Variants in CNTNAP5 observed in about 807,000 individuals in gnomAD.
CNTNAP5 encodes the protein contactin associated protein family member 5, also known as contactin-associated protein-like 5.
Under a neutral mutation model 150.2 loss-of-function variants are expected in CNTNAP5, and 72 were observed. The observed-to-expected ratio is 0.48, with a 90% CI of 0.40 to 0.58. The LOEUF (loss-of-function observed/expected upper bound fraction) is 0.58, where lower values mean the gene tolerates loss of function less well. CNTNAP5 is among the 20% of genes least tolerant of loss of function. The pLI, the probability that CNTNAP5 is intolerant of heterozygous loss-of-function variation, is 0.00. For synonymous variants in CNTNAP5, 672 were observed against 619.8 expected, an observed-to-expected ratio of 1.08 and a Z score of -1.25; for missense variants, 1,636 against 1,626.2, an observed-to-expected ratio of 1.01 and a Z score of -0.10.
At chr2:124,124,558 G>A (rs967660764) in intron 1 of CNTNAP5, among the ~76,000 whole-genome samples, 2 of 152,122 alleles carry the variant, frequency 1.3e-5, no homozygotes, top group East Asian at 3.9e-4. Context: ...AGGAAACAGA[G>A]AGAATGCCAC....
intron 13 of CNTNAP5, among the ~76,000 whole-genome samples, chr2:124,736,884 A>T (rs1680393450): frequency 6.6e-6 from 1 of 152,182 alleles, no homozygotes; most frequent in South Asian, 2.1e-4. Context: ...TCTATGTTGG[A>T]TATACAGTCA....
chr2:124,031,232 G>A (rs1414523108), intron 1 of CNTNAP5, among the ~76,000 whole-genome samples: 2 of 151,656 alleles, frequency 1.3e-5, no homozygotes, highest in East Asian at 3.9e-4. Flanking sequence ...AACAATCCTT[G>A]TCTCCTCAAC....
chr2:124,379,069 C>T (rs1690723995), intron 3 of CNTNAP5, among the ~76,000 whole-genome samples: 1 of 151,894 alleles, frequency 6.6e-6, no homozygotes. Flanking sequence ...CCCACATACC[C>T]CTGGCCCCAC....
chr2:124,836,299 G>T (rs1248854331), intron 19 of CNTNAP5, among the ~76,000 whole-genome samples: 3 of 152,114 alleles, frequency 2.0e-5, no homozygotes, highest in Non-Finnish European at 4.4e-5. Flanking sequence ...ATTATTAGTA[G>T]TATTAGTCAG....
intron 5 of CNTNAP5, among the ~76,000 whole-genome samples, chr2:124,434,948 T>C (rs1442755049): frequency 1.3e-5 from 2 of 152,202 alleles, no homozygotes; most frequent in African/African-American, 2.4e-5. Flanking sequence ...TCTTAGTAAC[T>C]CAAACTCTAA....
At chr2:124,466,828 A>G (rs576804003) in intron 6 of CNTNAP5, among the ~76,000 whole-genome samples, 34 of 152,310 alleles carry the variant, frequency 2.2e-4, no homozygotes, top group African/African-American at 7.5e-4. Flanking sequence ...CAGAAATACA[A>G]TCTCCATTCA....
At chr2:124,369,819 C>T (rs1177675253) in intron 3 of CNTNAP5, among the ~76,000 whole-genome samples, 1 of 151,964 alleles carries the variant, frequency 6.6e-6, no homozygotes, top group Non-Finnish European at 1.5e-5. Flanking sequence ...ACATCAAAAC[C>T]CAGGAAAGGC....
chr2:124,897,324 G>T (rs1362046790), intron 21 of CNTNAP5, among the ~76,000 whole-genome samples: 1 of 151,366 alleles, frequency 6.6e-6, no homozygotes, highest in Non-Finnish European at 1.5e-5. Context: ...AAGATTTATT[G>T]CCTGAAATCT....
chr2:124,181,166 T>C (rs1299882189), intron 1 of CNTNAP5, among the ~76,000 whole-genome samples: 1 of 151,638 alleles, frequency 6.6e-6, no homozygotes, highest in Non-Finnish European at 1.5e-5. Context: ...ATTAATTTTA[T>C]AGTTATATTG....
chr2:124,027,530 T>C (rs564874593), intron 1 of CNTNAP5, among the ~76,000 whole-genome samples: 82 of 152,346 alleles, frequency 5.4e-4, no homozygotes, highest in African/African-American at 1.9e-3. Context: ...ATAAAACAAA[T>C]ATTTTAGAAT....
At chr2:124,374,501 G>T (rs964225061) in intron 3 of CNTNAP5, among the ~76,000 whole-genome samples, 8 of 152,054 alleles carry the variant, frequency 5.3e-5, no homozygotes, top group African/African-American at 1.9e-4. Flanking sequence ...TTCAAAATTT[G>T]AGCAGATGCT....
At chr2:124,107,270 T>C (rs1055619299) in intron 1 of CNTNAP5, among the ~76,000 whole-genome samples, 3 of 152,204 alleles carry the variant, frequency 2.0e-5, no homozygotes, top group Non-Finnish European at 2.9e-5. Context: ...TGGAAACCAC[T>C]GCGTCTATCT....
At chr2:124,304,989 C>T (rs958943590) in intron 3 of CNTNAP5, among the ~76,000 whole-genome samples, 5 of 151,542 alleles carry the variant, frequency 3.3e-5, no homozygotes, top group Non-Finnish European at 7.4e-5. Flanking sequence ...CTGCAGGCCA[C>T]ATGTGGTGGC....
At chr2:124,653,017 C>T (rs956954621) in intron 13 of CNTNAP5, among the ~76,000 whole-genome samples, 2 of 152,166 alleles carry the variant, frequency 1.3e-5, no homozygotes, top group Non-Finnish European at 2.9e-5. Context: ...AAAGCATTTG[C>T]GGAGCAAATC....
rs545702570 is a variant in CNTNAP5 at position 124,764,150 on chromosome 2, A to G, written c.2533+3A>G. 7.8e-5 allele frequency: 125 copies of G among 1,609,150 alleles called. No individual in the cohort carries two copies. In the East Asian group the frequency reaches 2.6e-3, roughly 33 times the overall value. ...CTTCATTCGACTCGAAATAAGCTGT[A>G]AGTGCCCTCAATTATGAATTTAATG... On this transcript the variant is annotated splice_donor_region_variant and intron_variant, in intron 16 of 23. Transcript: ENST00000682447.
intron 10 of CNTNAP5, among the ~76,000 whole-genome samples, chr2:124,529,058 G>GTTTTTTTTTTTTTTTT (rs777056828): frequency 7.1e-6 from 1 of 140,792 alleles, no homozygotes. Context: ...CTTCTGCTTT[G>GTTTTTTTTTTTTTTTT]TTTTTTTTTT....
At chr2:124,394,304 A>T (rs747671494) in intron 3 of CNTNAP5, among the ~76,000 whole-genome samples, 11 of 151,388 alleles carry the variant, frequency 7.3e-5, no homozygotes, top group Non-Finnish European at 1.5e-4. Flanking sequence ...CCCAGGAAGC[A>T]GAACTTTCAG....
intron 20 of CNTNAP5, among the ~76,000 whole-genome samples, chr2:124,868,950 G>T (rs1005930946): frequency 6.6e-6 from 1 of 152,096 alleles, no homozygotes; most frequent in African/African-American, 2.4e-5. Flanking sequence ...AGAATGAATG[G>T]GGAGGGCTCC....
Position 124,429,349 on chromosome 2 carries a change from G to A in CNTNAP5, c.530-5135G>A, listed in dbSNP as rs552849667. The stretch of plus-strand genomic sequence containing the variant: ...CTTTGGAAGCTGATTCTAAGTTAAT[G>A]TACATGCTAAATCCTAAAGAAAGTG... On this transcript the variant is annotated intron_variant, in intron 4 of 23. Transcript: ENST00000682447. 2.4e-4 allele frequency among the ~76,000 whole-genome samples: 36 copies of A among 152,048 alleles called. 1 individual carries two copies. In the East Asian group the frequency reaches 2.5e-3, roughly 11 times the overall value.
Sources: allele counts gnomAD v4.1 joint callset (sites outside exome capture counted in the v4.1 genomes callset), GRCh38; gene constraint gnomAD v4.1.1; transcripts MANE v1.5; gene names NCBI Gene and HGNC (gene_info 2026-07-23, HGNC 2026-07-21).